The following DPP6 variants were observed in gnomAD, a reference collection of about 807,000 sequenced individuals.
DPP6 encodes the protein dipeptidyl peptidase like 6.
Under a neutral mutation model 122.6 loss-of-function variants are expected in DPP6, and 69 were observed. The observed-to-expected ratio is 0.56, with a 90% CI of 0.46 to 0.69. DPP6 has a LOEUF of 0.69. Among genes scored for constraint, DPP6 ranks in the 30% least tolerant of loss-of-function variants. The probability of loss-of-function intolerance (pLI) is 0.00; values close to 1 mark genes in which losing one functional copy is unlikely to be tolerated. For synonymous variants in DPP6, 418 were observed against 433.1 expected (o/e 0.97, Z 0.43); for missense variants, 928 against 1,116.9 (o/e 0.83, Z 2.41).
intron 1 of DPP6, among the ~76,000 whole-genome samples, chr7:154,152,019 A>G (rs1301226898): frequency 6.6e-6 from 1 of 150,706 alleles, no homozygotes; most frequent in Non-Finnish European, 1.5e-5. Context: ...TCGCCTCTCT[A>G]TGCCCTGTTC....
chr7:153,845,701 A>C, the DPP6 span, among the ~76,000 whole-genome samples: 1 of 151,886 alleles, frequency 6.6e-6, no homozygotes, highest in African/African-American at 2.4e-5. Context: ...TCTTTTCTCC[A>C]CTAGTATAAG....
intron 1 of DPP6, among the ~76,000 whole-genome samples, chr7:153,889,004 A>T (rs1347079438): frequency 6.6e-6 from 1 of 152,128 alleles, no homozygotes; most frequent in Non-Finnish European, 1.5e-5. Flanking sequence ...AGCTGGCTTA[A>T]CCACACCCAC....
intron 4 of DPP6, among the ~76,000 whole-genome samples, chr7:154,546,488 T>A (rs1218340699): frequency 1.1e-4 from 16 of 144,638 alleles, no homozygotes; most frequent in African/African-American, 3.0e-4. Context: ...GTCGATTATT[T>A]AAAAAAAAAA....
chr7:154,806,940 T>C, intron 15 of DPP6, 54 bp from the exon 16 acceptor site: 3 of 1,595,946 alleles, frequency 1.9e-6, no homozygotes, highest in Non-Finnish European at 1.7e-6. Flanking sequence ...GCACCCAGCG[T>C]GGAGGGCAGC....
chr7:154,067,770 G>T (rs1434717050), intron 1 of DPP6, among the ~76,000 whole-genome samples: 1 of 152,112 alleles, frequency 6.6e-6, no homozygotes, highest in African/African-American at 2.4e-5. Flanking sequence ...GTTGCAGTGA[G>T]ATCTGGCTCT....
At chr7:154,382,729 C>T (rs1333151769) in intron 1 of DPP6, among the ~76,000 whole-genome samples, 1 of 151,910 alleles carries the variant, frequency 6.6e-6, no homozygotes, top group African/African-American at 2.4e-5. Context: ...TTTAGTATTC[C>T]TTTTTGTTTG....
chr7:153,863,769 G>A, the DPP6 span, among the ~76,000 whole-genome samples: 1 of 152,122 alleles, frequency 6.6e-6, no homozygotes, highest in Middle Eastern at 3.2e-3. Context: ...GCTGCTTCCT[G>A]TCTGTGTAGA....
upstream of DPP6, among the ~76,000 whole-genome samples, chr7:153,882,230 G>A (rs1041699138): frequency 6.6e-6 from 1 of 152,162 alleles, no homozygotes; most frequent in Non-Finnish European, 1.5e-5. Context: ...AAATTTATGG[G>A]TAAATTAAAT....
At chr7:153,870,425 T>C in the DPP6 span, among the ~76,000 whole-genome samples, 1 of 152,370 alleles carries the variant, frequency 6.6e-6, no homozygotes, top group South Asian at 2.1e-4. Context: ...TGATACTCTT[T>C]CTTGCAGTTG....
At chr7:153,766,964 A>G in the DPP6 span, among the ~76,000 whole-genome samples, 2 of 152,162 alleles carry the variant, frequency 1.3e-5, no homozygotes, top group Admixed American at 6.5e-5. Flanking sequence ...TTACCATTCT[A>G]TGGGGTTGTG....
At chr7:153,782,859 A>G in the DPP6 span, among the ~76,000 whole-genome samples, 1 of 152,170 alleles carries the variant, frequency 6.6e-6, no homozygotes, top group African/African-American at 2.4e-5. Context: ...CAAGGTCCAT[A>G]GACATGGAAC....
At chr7:153,757,631 G>A in the DPP6 span, among the ~76,000 whole-genome samples, 3 of 151,196 alleles carry the variant, frequency 2.0e-5, no homozygotes, top group Non-Finnish European at 4.4e-5. Context: ...TCAGGGTCAC[G>A]TCAAGCTCCA....
At chr7:154,468,234 A>G (rs923131918) in intron 2 of DPP6, among the ~76,000 whole-genome samples, 3 of 152,238 alleles carry the variant, frequency 2.0e-5, no homozygotes, top group African/African-American at 7.2e-5. Flanking sequence ...GTATGATTCC[A>G]TCTACATTAA....
chr7:153,907,533 G>T (rs933638410), intron 1 of DPP6, among the ~76,000 whole-genome samples: 1 of 152,230 alleles, frequency 6.6e-6, no homozygotes, highest in Non-Finnish European at 1.5e-5. Context: ...TACGTTGTGA[G>T]ACATCATTCT....
chr7:153,985,150 A>C (rs1274913145), intron 1 of DPP6, among the ~76,000 whole-genome samples: 1 of 152,204 alleles, frequency 6.6e-6, no homozygotes, highest in African/African-American at 2.4e-5. Context: ...TTCCAATGAG[A>C]GTGGAGGTCC....
chr7:154,275,160 G>A (rs1804047021), intron 1 of DPP6, among the ~76,000 whole-genome samples: 1 of 152,238 alleles, frequency 6.6e-6, no homozygotes, highest in African/African-American at 2.4e-5. Context: ...GCCCCTTTGG[G>A]CAGCCTCAGC....
At chr7:153,878,893 T>C in the DPP6 span, among the ~76,000 whole-genome samples, 485 of 150,408 alleles carry the variant, frequency 3.2e-3, no homozygotes, top group Non-Finnish European at 6.0e-3. Context: ...CAAGATTGAA[T>C]AAAGCCATGT....
intron 6 of DPP6, among the ~76,000 whole-genome samples, chr7:154,642,320 T>C (rs1373377609): frequency 6.6e-6 from 1 of 152,112 alleles, no homozygotes; most frequent in Non-Finnish European, 1.5e-5. Context: ...TGGCCTGGCA[T>C]GGTGGCTCAT....
chr7:154,777,948 A>T (rs1024288997), intron 10 of DPP6, among the ~76,000 whole-genome samples: 4 of 152,154 alleles, frequency 2.6e-5, no homozygotes, highest in Non-Finnish European at 4.4e-5. Flanking sequence ...AAGGATTTAG[A>T]TGCTGTGCAG....
Sources: allele counts gnomAD v4.1 joint callset (sites outside exome capture counted in the v4.1 genomes callset), GRCh38; gene constraint gnomAD v4.1.1; transcripts MANE v1.5; gene names NCBI Gene and HGNC (gene_info 2026-07-23, HGNC 2026-07-21).